Variants in ABL1 observed in about 807,000 individuals in gnomAD.
ABL1 encodes ABL proto-oncogene 1, non-receptor tyrosine kinase, also known as tyrosine-protein kinase ABL1.
In ABL1, 11 loss-of-function variants were observed where a neutral mutation model predicts 94.7. The observed-to-expected ratio is 0.12, with a 90% CI of 0.07 to 0.19. The LOEUF is 0.19. Ranked by LOEUF, ABL1 falls within the 10% of genes least tolerant of loss-of-function variation. The probability of loss-of-function intolerance (pLI) is 1.00; values close to 1 mark genes in which losing one functional copy is unlikely to be tolerated. For missense variants in ABL1, 1,082 were observed against 1,489.4 expected (o/e 0.73, Z 4.50); for synonymous variants, 656 against 622.4 (o/e 1.05, Z -0.80).
chr9:130,737,725 T>C (rs1831761663), intron 1 of ABL1, among the ~76,000 whole-genome samples: 1 of 152,028 alleles, frequency 6.6e-6, no homozygotes, highest in Non-Finnish European at 1.5e-5. Context: ...GAAAAAGTCA[T>C]GTTGAGGCAT....
Position 130,863,356 on chromosome 9 carries a change from C to T in ABL1, c.822+321C>T, listed in dbSNP as rs1248483404. ...GCCGTGGATTTCCATGCTGTTCGTG[C>T]GGCATGGAGATCACTTCCTACCGAG... is the stretch of plus-strand genomic sequence containing the variant. On this transcript the variant is annotated intron_variant, in intron 4 of 10. Transcript: ENST00000318560. This position sits in a 1 kb window ranked among gnomAD's most constrained non-coding sequence, Gnocchi z 4.3. Among the ~76,000 whole-genome samples, 3 of 151,946 alleles carry T rather than the reference C, an allele frequency of 2.0e-5. No individual in the cohort carries two copies. Among genetic ancestry groups the T allele is most frequent in the South Asian group, 2.1e-4 (1 of 4,796 alleles).
chr9:130,800,813 C>G (rs1490813305), intron 1 of ABL1, among the ~76,000 whole-genome samples: 1 of 152,126 alleles, frequency 6.6e-6, no homozygotes, highest in Non-Finnish European at 1.5e-5. Flanking sequence ...TAGATTGCTT[C>G]CAACTTGAGG....
At chr9:130,824,364 T>C (rs1212983237) in intron 1 of ABL1, among the ~76,000 whole-genome samples, 1 of 152,190 alleles carries the variant, frequency 6.6e-6, no homozygotes, top group Non-Finnish European at 1.5e-5. Context: ...TCTGTTTTTT[T>C]GTTCTAATCA....
In ABL1 at chr9:130,880,053, G is replaced by T. The variant is rs370235043; in HGVS notation, c.1424-15G>T. On this transcript the variant is annotated splice_polypyrimidine_tract_variant and intron_variant, in intron 8 of 10. Transcript: ENST00000318560. The surrounding 1 kb of genome is among the most constrained non-coding windows in gnomAD (Gnocchi z 4.4). ...AGATCTCATGGATGATCTGACTTGGGTTTCATCTGTCCAGGTTGGCAGTGG... is the reference window on the plus strand; with the variant it reads ...AGATCTCATGGATGATCTGACTTGGTTTTCATCTGTCCAGGTTGGCAGTGG... 1.2e-6 allele frequency: 2 copies of T among 1,613,626 alleles called. No homozygotes were observed. Among genetic ancestry groups the T allele is most frequent in the South Asian group, 2.2e-5 (2 of 91,072 alleles).
chr9:130,885,687 C>A lies in ABL1; in HGVS notation c.*4C>A, dbSNP rs750328519. ...CAGTGACATAGTGCAGAGGTAGCAG[C>A]AGTCAGGGGTCAGGTGTCAGGCCCG... On this transcript the variant is annotated 3_prime_UTR_variant, in exon 11 of 11. Transcript: ENST00000318560. 3.1e-6 allele frequency: 5 copies of A among 1,605,778 alleles called. No individual in the cohort carries two copies. Among genetic ancestry groups the A allele is most frequent in the Non-Finnish European group, 3.4e-6 (4 of 1,175,336 alleles).
chr9:130,783,124 T>C (rs748451596), intron 1 of ABL1, among the ~76,000 whole-genome samples: 1 of 152,238 alleles, frequency 6.6e-6, no homozygotes, highest in Non-Finnish European at 1.5e-5. Flanking sequence ...CAGGTATCAG[T>C]AATATTTTAA....
chr9:130,872,106 C>A lies in ABL1; in HGVS notation c.823-23C>A, dbSNP rs967569583. ...AAAAGCACTTCCTGAAATAATTTCA[C>A]CTTCGTTTTTTTCCTTCTGCAGGAG... On this transcript the variant is annotated intron_variant, in intron 4 of 10. Transcript: ENST00000318560. This position sits in a 1 kb window ranked among gnomAD's most constrained non-coding sequence, Gnocchi z 5.0. 1.1e-5 allele frequency: 18 copies of A among 1,610,610 alleles called. No homozygotes were observed. Among genetic ancestry groups the A allele is most frequent in the Non-Finnish European group, 1.5e-5 (18 of 1,177,136 alleles).
chr9:130,727,474 T>C (rs79114303), intron 1 of ABL1, among the ~76,000 whole-genome samples: 4,805 of 152,170 alleles, frequency 0.032, 253 homozygotes, highest in African/African-American at 0.11. Flanking sequence ...CTTAAAAGCA[T>C]TTATTCCGCC....
intron 1 of ABL1, among the ~76,000 whole-genome samples, chr9:130,739,888 C>T (rs1027741368): frequency 2.6e-5 from 4 of 151,920 alleles, no homozygotes; most frequent in African/African-American, 9.7e-5. Flanking sequence ...ATAGGGAGAC[C>T]GCATCTCTAC....
intron 1 of ABL1, among the ~76,000 whole-genome samples, chr9:130,818,733 A>T (rs1433055480): frequency 6.6e-6 from 1 of 152,256 alleles, no homozygotes; most frequent in Non-Finnish European, 1.5e-5. Flanking sequence ...TTCAACAGAT[A>T]GCCTCTTTTC....
chr9:130,804,069 A>G (rs1830091521), intron 1 of ABL1, among the ~76,000 whole-genome samples: 1 of 152,200 alleles, frequency 6.6e-6, no homozygotes, highest in Admixed American at 6.5e-5. Flanking sequence ...AGAAAAAAAA[A>G]AAAATGACCG....
At chr9:130,735,946 TA>T (rs1831731679) in intron 1 of ABL1, among the ~76,000 whole-genome samples, 1 of 80,508 alleles carries the variant, frequency 1.2e-5, no homozygotes, top group Non-Finnish European at 2.0e-5. Flanking sequence ...TATATATATA[TA>T]TATATATATA....
intron 1 of ABL1, among the ~76,000 whole-genome samples, chr9:130,765,633 C>T (rs1013390032): frequency 1.3e-5 from 2 of 152,074 alleles, no homozygotes; most frequent in African/African-American, 2.4e-5. Flanking sequence ...TTAACAGTGA[C>T]GGATCAGTAT....
intron 1 of ABL1, among the ~76,000 whole-genome samples, chr9:130,847,826 T>C (rs749323241): frequency 1.3e-5 from 2 of 152,182 alleles, no homozygotes; most frequent in Non-Finnish European, 2.9e-5. Flanking sequence ...CTCATCCTCT[T>C]GCATAACATT....
At chr9:130,727,706 A>G (rs1588212369) in intron 1 of ABL1, among the ~76,000 whole-genome samples, 2 of 147,206 alleles carry the variant, frequency 1.4e-5, no homozygotes. Flanking sequence ...CAGTGAGCCG[A>G]GATCGCGCCA....
intron 1 of ABL1, among the ~76,000 whole-genome samples, chr9:130,848,935 G>A (rs954634189): frequency 3.3e-5 from 5 of 151,038 alleles, no homozygotes; most frequent in Admixed American, 2.6e-4. Flanking sequence ...ACGAGACTCC[G>A]TCTCGAGAAA....
intron 1 of ABL1, among the ~76,000 whole-genome samples, chr9:130,770,488 C>T (rs1588232562): frequency 6.6e-6 from 1 of 152,154 alleles, no homozygotes; most frequent in African/African-American, 2.4e-5. Context: ...GCCTGGGCCA[C>T]AGCATAAGCA....
intron 1 of ABL1, among the ~76,000 whole-genome samples, chr9:130,791,731 C>A (rs1361794968): frequency 6.6e-6 from 1 of 152,120 alleles, no homozygotes; most frequent in Non-Finnish European, 1.5e-5. Context: ...GGGCTTTTGC[C>A]ACAGACTAAT....
exon 1 of ABL1, among the ~76,000 whole-genome samples, chr9:130,713,454 T>C (rs1008338775): frequency 4.6e-5 from 7 of 151,828 alleles, no homozygotes; most frequent in Admixed American, 2.6e-4. Context: ...CGGAGTAAGC[T>C]GCCCGTGCCG....
Sources: gnomAD v4.1 joint callset for allele counts (sites outside exome capture counted in the v4.1 genomes callset) on GRCh38, gnomAD v4.1.1 for gene constraint, Gnocchi (gnomAD v3.1) non-coding constraint, MANE v1.5 for transcripts, NCBI Gene and HGNC (gene_info 2026-07-23, HGNC 2026-07-21) for gene names.